The following FRYL variants were observed in gnomAD, a reference collection of about 807,000 sequenced individuals.
FRYL encodes the protein protein furry homolog-like.
FRYL carries 150 observed loss-of-function variants against 351.2 expected under a neutral mutation model. The ratio of observed to expected loss-of-function variants is 0.43; its 90% CI spans 0.37 to 0.49. FRYL has a LOEUF of 0.49. Ranked by LOEUF, FRYL falls within the 20% of genes least tolerant of loss-of-function variation. FRYL has a pLI of 0.00. For missense variants in FRYL, 3,036 were observed against 3,619.3 expected (o/e 0.84, Z 4.13); for synonymous variants, 1,153 against 1,257.1 (o/e 0.92, Z 1.75).
intron 60 of FRYL, among the ~76,000 whole-genome samples, chr4:48,504,829 T>C (rs1577826061): frequency 1.9e-4 from 1 of 5,380 alleles, no homozygotes; most frequent in Non-Finnish European, 2.3e-3. Context: ...AGAACTTCAA[T>C]TTTTTACTAT....
intron 5 of FRYL, among the ~76,000 whole-genome samples, chr4:48,622,494 T>TAA (rs1189109619): frequency 6.6e-6 from 1 of 152,184 alleles, no homozygotes; most frequent in African/African-American, 2.4e-5. Flanking sequence ...CACAGTATTT[T>TAA]GGTAAGTCTC....
chr4:48,704,001 T>C (rs1427570129), intron 2 of FRYL, among the ~76,000 whole-genome samples: 5 of 152,166 alleles, frequency 3.3e-5, no homozygotes, highest in Admixed American at 3.3e-4. Context: ...ATCTAAAGCA[T>C]GTTGAACTTG....
In FRYL at chr4:48,618,787, T is replaced by C. The variant is rs75432100; in HGVS notation, c.411+487A>G. ...AGTAGGCATTCTAATACTCATTGAA[T>C]GAATAAACATTCCTAACTTATTATC... On this transcript the variant is annotated intron_variant, in intron 7 of 63. Coordinates refer to ENST00000358350, the MANE Select transcript of FRYL (RefSeq NM_015030.2). 8.3e-3 allele frequency: 1,269 copies of C among 152,660 alleles called. 13 individuals are homozygous for C. The highest frequency in any genetic ancestry group is 0.011 in the Non-Finnish European group (772 of 68,272). The allele number at this position is 152,660 out of a possible 1,614,324, so 9.5% of individuals were successfully genotyped here. A position where few individuals can be genotyped will look rare whatever the true frequency, so the allele number is the denominator to read the frequency against.
At chr4:48,766,953 CAGA>C (rs1359077813) in intron 1 of FRYL, among the ~76,000 whole-genome samples, 1 of 148,270 alleles carries the variant, frequency 6.7e-6, no homozygotes, top group Non-Finnish European at 1.5e-5. Context: ...TGTTAAAAAA[CAGA>C]TGAATGGATA....
chr4:48,546,381 G>A, intron 41 of FRYL, 110 bp from the exon 42 acceptor site: 2 of 800,892 alleles, frequency 2.5e-6, no homozygotes, highest in Admixed American at 2.2e-5. Context: ...GAGGCAATCT[G>A]TCAGTGCAAG....
chr4:48,644,472 T>A (rs1190191666), intron 3 of FRYL, among the ~76,000 whole-genome samples: 1 of 125,156 alleles, frequency 8.0e-6, no homozygotes. Flanking sequence ...TCAGTAGACA[T>A]AAGTGTAGAT....
chr4:48,750,897 T>C (rs957536766), intron 1 of FRYL, among the ~76,000 whole-genome samples: 5 of 152,130 alleles, frequency 3.3e-5, no homozygotes, highest in Admixed American at 3.3e-4. Context: ...CCTTATAAAT[T>C]CAAGGAAACC....
At chr4:48,542,222 T>G (rs1308536043) in intron 44 of FRYL, 101 bp from the exon 45 acceptor site, 2 of 781,276 alleles carry the variant, frequency 2.6e-6, no homozygotes, top group Non-Finnish European at 4.4e-6. Flanking sequence ...CTCCATGTTA[T>G]GTTACAAAAT....
At chr4:48,697,432 A>C (rs1215577550) in intron 2 of FRYL, among the ~76,000 whole-genome samples, 3 of 152,210 alleles carry the variant, frequency 2.0e-5, no homozygotes, top group Admixed American at 6.5e-5. Context: ...TCTAGTTTAC[A>C]TTTCTCACCT....
At chr4:48,536,847 C>T (rs568026721) in intron 47 of FRYL, among the ~76,000 whole-genome samples, 29 of 152,204 alleles carry the variant, frequency 1.9e-4, no homozygotes, top group African/African-American at 5.8e-4. Context: ...TTTGGTAATT[C>T]GGAAGATGTT....
Position 48,514,213 on chromosome 4 carries a change from A to T in FRYL, c.7937+815T>A, listed in dbSNP as rs1467782250. Among the ~76,000 whole-genome samples, 4 of 152,252 alleles carry T rather than the reference A, an allele frequency of 2.6e-5. No homozygotes were observed. The East Asian group carries it at 7.7e-4, about 29-fold the overall frequency. The stretch of plus-strand genomic sequence containing the variant: ...TATTAAATATTAATTTTATATAAAA[A>T]CAGTTATCCAGGAGCTCCAAATTGT... On this transcript the variant is annotated intron_variant, in intron 56 of 63. Transcript: ENST00000358350.
At chr4:48,544,503 C>T (rs1246884486) in intron 43 of FRYL, among the ~76,000 whole-genome samples, 4 of 152,030 alleles carry the variant, frequency 2.6e-5, no homozygotes, top group East Asian at 1.9e-4. Flanking sequence ...TTTCTATATA[C>T]GTCCGTTTAA....
chr4:48,588,515 C>T (rs1186107076), intron 18 of FRYL, among the ~76,000 whole-genome samples: 2 of 152,204 alleles, frequency 1.3e-5, no homozygotes, highest in Admixed American at 6.5e-5. Context: ...CACTGACCTG[C>T]GTACCCCACA....
At chr4:48,767,031 T>A (rs1464174) in intron 1 of FRYL, among the ~76,000 whole-genome samples, 1 of 147,684 alleles carries the variant, frequency 6.8e-6, no homozygotes. Flanking sequence ...ATAAAATATG[T>A]ATTGTATTAT....
intron 3 of FRYL, among the ~76,000 whole-genome samples, chr4:48,656,727 A>ACT (rs1269851409): frequency 1.1e-3 from 15 of 13,998 alleles, no homozygotes; most frequent in African/African-American, 2.0e-3. Context: ...TATATGACTG[A>ACT]CTATATATAT....
intron 1 of FRYL, among the ~76,000 whole-genome samples, chr4:48,768,705 G>C (rs1195551824): frequency 3.3e-5 from 5 of 151,972 alleles, no homozygotes; most frequent in African/African-American, 4.8e-5. Context: ...CAGAAGGCTA[G>C]GGTAGGAGAA....
At chr4:48,632,195 CAT>C (rs1191033309) in intron 4 of FRYL, among the ~76,000 whole-genome samples, 2 of 138,218 alleles carry the variant, frequency 1.4e-5, no homozygotes, top group Non-Finnish European at 3.0e-5. Flanking sequence ...GACTGTATCA[CAT>C]GATACTACTA....
chr4:48,681,040 A>G, intron 3 of FRYL: 1 of 1,286,552 alleles, frequency 7.8e-7, no homozygotes, highest in Non-Finnish European at 1.0e-6. Flanking sequence ...CATCTTAACT[A>G]ATCTTGGGGA....
chr4:48,544,995 A>G, intron 42 of FRYL, 91 bp from the exon 43 acceptor site: 1 of 1,322,568 alleles, frequency 7.6e-7, no homozygotes, highest in Non-Finnish European at 1.0e-6. Context: ...CTTTACAATT[A>G]GAAAGGATGG....
Sources: gnomAD v4.1 joint callset for allele counts (sites outside exome capture counted in the v4.1 genomes callset) on GRCh38, gnomAD v4.1.1 for gene constraint, MANE v1.5 for transcripts, NCBI Gene and HGNC (gene_info 2026-07-23, HGNC 2026-07-21) for gene names.